The following ASXL1 variants were observed in gnomAD, a reference collection of about 807,000 sequenced individuals.
ASXL1 encodes ASXL transcriptional regulator 1.
In ASXL1, 65 loss-of-function variants were observed where a neutral mutation model predicts 89.1. The observed-to-expected ratio is 0.73, with a 90% confidence interval of 0.60 to 0.90. The LOEUF is 0.90. Among genes scored for constraint, ASXL1 ranks in the 40% least tolerant of loss-of-function variants. ASXL1 has a pLI of 0.00. For missense variants in ASXL1, 1,786 were observed against 1,942.9 expected, an observed-to-expected ratio of 0.92 and a Z score of 1.52; for synonymous variants, 739 against 746.9, an observed-to-expected ratio of 0.99 and a Z score of 0.17.
intron 4 of ASXL1, among the ~76,000 whole-genome samples, chr20:32,418,949 T>C (rs527812554): frequency 1.3e-5 from 2 of 148,806 alleles, no homozygotes; most frequent in Admixed American, 1.4e-4. Flanking sequence ...TCTCCTGCCT[T>C]AGCCTTGCGA....
At chr20:32,391,139 C>G (rs990885299) in intron 4 of ASXL1, among the ~76,000 whole-genome samples, 13 of 152,130 alleles carry the variant, frequency 8.5e-5, no homozygotes, top group African/African-American at 2.7e-4. Context: ...ATCCTCCCAC[C>G]TATGCCTCTC....
intron 4 of ASXL1, among the ~76,000 whole-genome samples, chr20:32,417,860 T>C (rs1352376699): frequency 6.6e-6 from 1 of 151,930 alleles, no homozygotes; most frequent in Non-Finnish European, 1.5e-5. Flanking sequence ...CTGGGCAATA[T>C]GGCAAGAACC....
chr20:32,367,686 A>G (rs751283451), intron 2 of ASXL1, 41 bp from the exon 3 acceptor site: 3 of 780,594 alleles, frequency 3.8e-6, no homozygotes, highest in South Asian at 2.7e-5. Flanking sequence ...ATTTCCCATC[A>G]TGCTGCTGTC....
intron 4 of ASXL1, among the ~76,000 whole-genome samples, chr20:32,374,053 T>A (rs1348877870): frequency 1.3e-5 from 2 of 152,150 alleles, no homozygotes; most frequent in East Asian, 3.9e-4. Flanking sequence ...CGCTTTGTCA[T>A]CCAGGCTGGA....
rs916586891 is a variant in ASXL1 at position 32,437,494 on chromosome 20, C to T, written c.*156C>T. ...TTTACACTGCTAAAGCCCTCTGTCA[C>T]TTGGCGACCCTTCTGGTCTTGCTGG... On this transcript the variant is annotated 3_prime_UTR_variant, in exon 13 of 13. Coordinates refer to ENST00000375687, the MANE Select transcript of ASXL1 (RefSeq NM_015338.6). The T allele has an allele frequency of 8.4e-7, 1 of 1,193,298 alleles. No homozygotes were observed. Among genetic ancestry groups the T allele is most frequent in the Non-Finnish European group, 1.2e-6 (1 of 842,266 alleles). 73.9% of individuals were successfully genotyped at this position (1,193,298 alleles called of 1,614,324 possible).
chr20:32,405,204 C>G (rs2048935432), intron 4 of ASXL1, among the ~76,000 whole-genome samples: 1 of 152,074 alleles, frequency 6.6e-6, no homozygotes, highest in South Asian at 2.1e-4. Context: ...TAGCTCACTC[C>G]AGGGCATAAA....
chr20:32,380,967 G>C (rs935780549), intron 4 of ASXL1, among the ~76,000 whole-genome samples: 1 of 150,094 alleles, frequency 6.7e-6, no homozygotes, highest in African/African-American at 2.5e-5. Flanking sequence ...CCTACTTCTC[G>C]AATGGTTCTC....
rs71338437 is a variant in ASXL1 at position 32,418,809 on chromosome 20, C to CTTTTTTTTTTTTTT, written c.253-9291_253-9278dup. On this transcript the variant is annotated intron_variant, in intron 4 of 12. Transcript: ENST00000375687. ...AAATCAAAATGGGAAGAATTGACAT[C>CTTTTTTTTTTTTTT]TTTTTTTTTTTTTTTTTTTTTTTTT... Among the ~76,000 whole-genome samples, 11 of 55,748 alleles carry CTTTTTTTTTTTTTT rather than the reference C, an allele frequency of 2.0e-4. 1 individual carries two copies. Among genetic ancestry groups the CTTTTTTTTTTTTTT allele is most frequent in the Admixed American group, 3.1e-4 (1 of 3,176 alleles). The allele number at this position is 55,748 out of a possible 152,430, so 36.6% of individuals were successfully genotyped here. A position where few individuals can be genotyped will look rare whatever the true frequency, so the allele number is the denominator to read the frequency against.
At position 32,434,944 on chromosome 20, in the gene ASXL1, A is replaced by T. The variant is rs372455823; in HGVS notation, c.2232A>T (p.Gly744=). The change falls in exon 13 of 13, where the codon GGA becomes GGT. Residue 744 remains glycine, a synonymous_variant. Coordinates refer to ENST00000375687, the MANE Select transcript of ASXL1 (RefSeq NM_015338.6). ...RATVGLTDGL[G]DASQLPVAPT... ...CAGTTGGACTCACAGATGGGCTAGG[A>T]GATGCCTCCCAACTCCCCGTTGCTC... 10 of 1,614,160 alleles carry T rather than the reference A, an allele frequency of 6.2e-6. No individual in the cohort carries two copies. The highest frequency in any genetic ancestry group is 8.5e-6 in the Non-Finnish European group (10 of 1,180,012).
rs1295207121 is a variant in ASXL1 at position 32,437,433 on chromosome 20, C to T, written c.*95C>T. On this transcript the variant is annotated 3_prime_UTR_variant, in exon 13 of 13. Coordinates refer to ENST00000375687, the MANE Select transcript of ASXL1 (RefSeq NM_015338.6). Reference sequence around the variant, plus strand: ...TATACAGAATATCATTGATATAATACTCTTTAGGCAGGAGCACTCTTGCCT... The same window carrying T: ...TATACAGAATATCATTGATATAATATTCTTTAGGCAGGAGCACTCTTGCCT... 2 of 1,553,742 alleles carry T rather than the reference C, an allele frequency of 1.3e-6. No individual in the cohort carries two copies. The highest frequency in any genetic ancestry group is 1.8e-6 in the Non-Finnish European group (2 of 1,128,816).
At chr20:32,365,552 T>A (rs765110132) in intron 1 of ASXL1, among the ~76,000 whole-genome samples, 1 of 152,122 alleles carries the variant, frequency 6.6e-6, no homozygotes, top group Non-Finnish European at 1.5e-5. Flanking sequence ...TGATTTGGAG[T>A]ACCCTGAGTA....
intron 4 of ASXL1, among the ~76,000 whole-genome samples, chr20:32,382,080 C>T (rs950263823): frequency 6.6e-6 from 1 of 151,538 alleles, no homozygotes; most frequent in Non-Finnish European, 1.5e-5. Context: ...CCCAGCCTCC[C>T]GAGTAGCTGG....
In ASXL1 at chr20:32,431,564, T is replaced by TC. The variant is rs774925128; in HGVS notation, c.883-14dup. The TC allele has an allele frequency of 6.2e-7, 1 of 1,613,752 alleles. No homozygotes were observed. The highest frequency in any genetic ancestry group is 2.2e-5 in the East Asian group (1 of 44,878). ...TTAAGTTTATTTATTAGGATTTTTT[T>TC]CCCCCTTGATCCTTCTAGGTGGGGA... On this transcript the variant is annotated intron_variant, in intron 9 of 12. Transcript: ENST00000375687.
intron 4 of ASXL1, among the ~76,000 whole-genome samples, chr20:32,391,716 T>G (rs1380901585): frequency 6.6e-6 from 1 of 152,162 alleles, no homozygotes; most frequent in African/African-American, 2.4e-5. Context: ...CTTGAACTTC[T>G]GAGCTCAAGC....
chr20:32,410,413 C>T (rs6058684), intron 4 of ASXL1, among the ~76,000 whole-genome samples: 120,802 of 152,112 alleles, frequency 0.79, 48,349 homozygotes, highest in South Asian at 0.92. Context: ...AGTGTTGGGA[C>T]TACAGGTGTG....
intron 4 of ASXL1, among the ~76,000 whole-genome samples, chr20:32,409,401 C>T (rs1448959734): frequency 1.3e-5 from 2 of 152,124 alleles, no homozygotes; most frequent in Non-Finnish European, 2.9e-5. Flanking sequence ...ATTTCAGACA[C>T]GATTGTATTT....
chr20:32,372,091 C>G, intron 4 of ASXL1: 2 of 1,338,760 alleles, frequency 1.5e-6, no homozygotes, highest in Non-Finnish European at 2.0e-6. Context: ...TAATTTGGCT[C>G]TGGGCAGAAT....
At chr20:32,373,621 C>T (rs956023089) in intron 4 of ASXL1, among the ~76,000 whole-genome samples, 1 of 152,054 alleles carries the variant, frequency 6.6e-6, no homozygotes, top group Non-Finnish European at 1.5e-5. Flanking sequence ...AATCCCAGCA[C>T]TTTGGGAGGT....
chr20:32,369,133 A>G lies in ASXL1; in HGVS notation c.252+10A>G. ...CCTTTTCACGCTCAAGGTAAGTGAT[A>G]TGAACTCTCTTTTGGTGCAGTGATT... is the stretch of plus-strand genomic sequence containing the variant. On this transcript the variant is annotated intron_variant, in intron 4 of 12. Coordinates refer to ENST00000375687, the MANE Select transcript of ASXL1 (RefSeq NM_015338.6). The G allele has an allele frequency of 6.3e-7, 1 of 1,589,850 alleles. No homozygotes were observed. Among genetic ancestry groups the G allele is most frequent in the Non-Finnish European group, 8.6e-7 (1 of 1,157,906 alleles).
Sources: allele counts gnomAD v4.1 joint callset (sites outside exome capture counted in the v4.1 genomes callset), GRCh38; gene constraint gnomAD v4.1.1; transcripts MANE v1.5; gene names NCBI Gene and HGNC (gene_info 2026-07-23, HGNC 2026-07-21).